Variants in CHIC2 observed in about 807,000 individuals in gnomAD.
CHIC2 encodes the protein cysteine-rich hydrophobic domain-containing protein 2.
Under a neutral mutation model 25.9 loss-of-function variants are expected in CHIC2, and 14 were observed. That is an observed-to-expected ratio of 0.54 (90% CI 0.36 to 0.85). The LOEUF (loss-of-function observed/expected upper bound fraction) is 0.85. Ranked by LOEUF, CHIC2 falls within the 40% of genes least tolerant of loss-of-function variation. The probability of loss-of-function intolerance (pLI) is 0.01; values close to 1 mark genes in which losing one functional copy is unlikely to be tolerated. For missense variants in CHIC2, 146 were observed against 202.0 expected (o/e 0.72, Z 1.68); for synonymous variants, 70 against 72.0 (o/e 0.97, Z 0.14).
chr4:54,087,649 C>A, the CHIC2 span: 1 of 574,148 alleles, frequency 1.7e-6, no homozygotes, highest in Non-Finnish European at 3.0e-6. Flanking sequence ...CTATATATCC[C>A]TTGATGAGAA....
chr4:54,027,998 A>G (rs1716114895), intron 3 of CHIC2, among the ~76,000 whole-genome samples: 1 of 152,144 alleles, frequency 6.6e-6, no homozygotes, highest in Non-Finnish European at 1.5e-5. Flanking sequence ...CTTAAAATGT[A>G]TATTTTTCTC....
chr4:54,045,721 T>G (rs1260261936), intron 3 of CHIC2, among the ~76,000 whole-genome samples: 3 of 151,986 alleles, frequency 2.0e-5, no homozygotes. Flanking sequence ...CTGGAAGCAT[T>G]CCCTTTGAAA....
the CHIC2 span, among the ~76,000 whole-genome samples, chr4:54,078,428 T>C: frequency 6.6e-6 from 1 of 152,228 alleles, no homozygotes; most frequent in African/African-American, 2.4e-5. Context: ...GGAACAACCT[T>C]ATTAATAAAG....
chr4:54,024,730 C>G (rs1716004044), intron 3 of CHIC2, among the ~76,000 whole-genome samples: 1 of 152,104 alleles, frequency 6.6e-6, no homozygotes. Flanking sequence ...TATGCTGAAC[C>G]CCCTTAGGCA....
At chr4:54,087,122 G>C in the CHIC2 span, 5 of 865,426 alleles carry the variant, frequency 5.8e-6, no homozygotes, top group African/African-American at 3.3e-5. Flanking sequence ...GAACTTCTTA[G>C]CTTCAGGATC....
chr4:54,064,867 C>T (rs1047423476), upstream of CHIC2, among the ~76,000 whole-genome samples: 31 of 151,736 alleles, frequency 2.0e-4, no homozygotes, highest in African/African-American at 7.2e-4. This position sits in a 1 kb window ranked among gnomAD's most constrained non-coding sequence, Gnocchi z 4.2. Flanking sequence ...ACCCTGGGGG[C>T]GGCGGCTCCG....
chr4:54,075,976 G>A, the CHIC2 span, among the ~76,000 whole-genome samples: 1 of 152,116 alleles, frequency 6.6e-6, no homozygotes, highest in Non-Finnish European at 1.5e-5. Context: ...ATAAACTTCA[G>A]AGAAAACTTA....
chr4:54,086,366 A>G, the CHIC2 span, among the ~76,000 whole-genome samples: 2 of 152,110 alleles, frequency 1.3e-5, no homozygotes, highest in Non-Finnish European at 2.9e-5. Flanking sequence ...TCTCCATCCC[A>G]ACCTCACCCT....
chr4:54,058,767 C>T (rs1717251105), intron 1 of CHIC2, among the ~76,000 whole-genome samples: 1 of 152,098 alleles, frequency 6.6e-6, no homozygotes, highest in Admixed American at 6.5e-5. Flanking sequence ...TACAGCTGGC[C>T]TAATATCCTG....
chr4:54,020,390 T>C (rs1305266682), intron 3 of CHIC2, among the ~76,000 whole-genome samples: 1 of 152,124 alleles, frequency 6.6e-6, no homozygotes, highest in East Asian at 1.9e-4. Flanking sequence ...CTAATGATAA[T>C]CCCACCACCT....
chr4:54,051,989 AAAC>A (rs1717018838), intron 1 of CHIC2, among the ~76,000 whole-genome samples: 1 of 152,222 alleles, frequency 6.6e-6, no homozygotes, highest in South Asian at 2.1e-4. Flanking sequence ...GAGTAGTTGA[AAAC>A]AACTCTTTTC....
At chr4:54,087,390 C>G in the CHIC2 span, 1 of 567,876 alleles carries the variant, frequency 1.8e-6, no homozygotes, top group Admixed American at 3.0e-5. Context: ...AATGTAGATG[C>G]AATTCTAAAG....
At chr4:54,087,660 G>T in the CHIC2 span, 1 of 559,258 alleles carries the variant, frequency 1.8e-6, no homozygotes, top group South Asian at 3.8e-5. Flanking sequence ...TTGATGAGAA[G>T]AGCCTTGCGT....
chr4:54,044,129 T>C (rs556466704), intron 3 of CHIC2, among the ~76,000 whole-genome samples: 2 of 152,194 alleles, frequency 1.3e-5, no homozygotes, highest in East Asian at 3.9e-4. Context: ...ATGCACCCAA[T>C]ACAGGAGCAC....
chr4:54,067,598 C>G (rs1277362856), upstream of CHIC2, among the ~76,000 whole-genome samples: 2 of 152,136 alleles, frequency 1.3e-5, no homozygotes, highest in African/African-American at 4.8e-5. Flanking sequence ...AAGTGCCCAT[C>G]CCTCCATAGC....
At chr4:54,034,559 T>TA (rs1475942308) in intron 3 of CHIC2, among the ~76,000 whole-genome samples, 7 of 152,232 alleles carry the variant, frequency 4.6e-5, no homozygotes, top group African/African-American at 1.7e-4. Flanking sequence ...CTAGCATTTT[T>TA]ATGCTACTTA....
intron 3 of CHIC2, among the ~76,000 whole-genome samples, chr4:54,038,462 C>G (rs1716459863): frequency 6.6e-6 from 1 of 151,638 alleles, no homozygotes; most frequent in South Asian, 2.1e-4. Context: ...AAAGCTCTAA[C>G]AAAAAAAACG....
At chr4:54,025,103 TAAG>T (rs912966779) in intron 3 of CHIC2, among the ~76,000 whole-genome samples, 1 of 151,788 alleles carries the variant, frequency 6.6e-6, no homozygotes, top group African/African-American at 2.4e-5. Context: ...CTTATTAATA[TAAG>T]AAGACAGGAA....
chr4:54,027,079 A>G (rs1280409896), intron 3 of CHIC2, among the ~76,000 whole-genome samples: 1 of 152,228 alleles, frequency 6.6e-6, no homozygotes, highest in Non-Finnish European at 1.5e-5. Context: ...AGAAAGTAGA[A>G]AGCTGGATGA....
Sources: gnomAD v4.1 joint callset for allele counts (sites outside exome capture counted in the v4.1 genomes callset) on GRCh38, gnomAD v4.1.1 for gene constraint, Gnocchi (gnomAD v3.1) non-coding constraint, MANE v1.5 for transcripts, NCBI Gene and HGNC (gene_info 2026-07-23, HGNC 2026-07-21) for gene names.